Variants in NTRK1 observed in about 807,000 individuals in gnomAD.
The protein encoded by NTRK1 is neurotrophic receptor tyrosine kinase 1.
Under a neutral mutation model 86.8 loss-of-function variants are expected in NTRK1, and 62 were observed. That is an observed-to-expected ratio of 0.71 (90% CI 0.58 to 0.88). The LOEUF (loss-of-function observed/expected upper bound fraction) is 0.88, where lower values mean the gene tolerates loss of function less well. Ranked by LOEUF, NTRK1 falls within the 40% of genes least tolerant of loss-of-function variation. The pLI is 0.00. For missense variants in NTRK1, 967 were observed against 1,078.4 expected (o/e 0.90, Z 1.45); for synonymous variants, 469 against 456.6 (o/e 1.03, Z -0.35).
At chr1:156,853,587 C>T (rs936767278) in intron 2 of NTRK1, among the ~76,000 whole-genome samples, 4 of 152,182 alleles carry the variant, frequency 2.6e-5, no homozygotes, top group East Asian at 1.9e-4. Context: ...ACATTGGTTA[C>T]GTAACTTTTC....
chr1:156,864,718 C>T lies in NTRK1; in HGVS notation c.288-10C>T, dbSNP rs762967707. On this transcript the variant is annotated splice_polypyrimidine_tract_variant and intron_variant, in intron 2 of 16. Transcript: ENST00000524377. The stretch of plus-strand genomic sequence containing the variant: ...GACCTGGGGACTGATCCTCCTGCAC[C>T]CCTCCCCAGCACCATCGTGAAGAGT... 3.1e-6 allele frequency: 5 copies of T among 1,613,768 alleles called. No homozygotes were observed. The Admixed American group carries it at 8.3e-5, about 27-fold the overall frequency.
chr1:156,879,016 T>TCTCCAGGC, intron 14 of NTRK1, 106 bp from the exon 15 acceptor site: 2 of 1,322,286 alleles, frequency 1.5e-6, no homozygotes, highest in African/African-American at 2.9e-5. Context: ...CACTTCCAGG[T>TCTCCAGGC]CCCCAGTCTC....
At position 156,845,215 on chromosome 1, in the gene NTRK1, C is replaced by A. The variant is rs539000352; in HGVS notation, c.50+3022C>A. 1.9e-6 allele frequency: 3 copies of A among 1,609,732 alleles called. No individual in the cohort carries two copies. In the African/African-American group the frequency reaches 4.0e-5, roughly 21 times the overall value. On this transcript the variant is annotated intron_variant, in intron 2 of 16. Coordinates refer to the NTRK1 transcript ENST00000392302. ...TCAGCACCGCTCGCTCACGGGGCACCTTGTCCTCCTGGATCTCGAAATCCG... is the reference window on the plus strand; with the variant it reads ...TCAGCACCGCTCGCTCACGGGGCACATTGTCCTCCTGGATCTCGAAATCCG...
intron 5 of NTRK1, 84 bp downstream of exon 5, chr1:156,868,333 GA>G: frequency 6.4e-7 from 1 of 1,569,800 alleles, no homozygotes. Context: ...AGCAAGCACT[GA>G]AAAGGCCTGG....
At chr1:156,868,307 GAGGGAGAGGGCACTGAGCAAGCACTGAAA>G (rs1647297983) in intron 5 of NTRK1, 58 bp downstream of exon 5, 1 of 1,592,474 alleles carries the variant, frequency 6.3e-7, no homozygotes. Flanking sequence ...CTACCTGCCT[GAGGGAGAGGGCACTGAGCAAGCACTGAAA>G]AGGCCTGGGG....
At chr1:156,852,568 G>T (rs1252478119) in intron 2 of NTRK1, among the ~76,000 whole-genome samples, 1 of 152,240 alleles carries the variant, frequency 6.6e-6, no homozygotes, top group Non-Finnish European at 1.5e-5. Flanking sequence ...GAGCAGCTAG[G>T]CCCAGGGGCC....
At chr1:156,852,050 C>T in intron 2 of NTRK1, 2 of 1,613,574 alleles carry the variant, frequency 1.2e-6, no homozygotes, top group South Asian at 2.2e-5. Flanking sequence ...CGGGCAGGCC[C>T]ACAGGCAGGC....
chr1:156,846,814 A>AC (rs1655031997), intron 2 of NTRK1: 10 of 1,398,940 alleles, frequency 7.1e-6, no homozygotes, highest in Admixed American at 5.1e-5. Context: ...AAGTTCTGGC[A>AC]CCCCCGCTCT....
At position 156,852,069 on chromosome 1, in the gene NTRK1, A is replaced by G. The variant is rs768888122; in HGVS notation, c.50+9876A>G. 10 of 1,613,520 alleles carry G rather than the reference A, an allele frequency of 6.2e-6. No homozygotes were observed. The Admixed American group carries it at 8.3e-5, about 13-fold the overall frequency. ...CAGGCCCACAGGCAGGCACCCTGGAAGTAGAGGTGGCGGCAAGCTACACAG... is the reference window on the plus strand; with the variant it reads ...CAGGCCCACAGGCAGGCACCCTGGAGGTAGAGGTGGCGGCAAGCTACACAG... On this transcript the variant is annotated intron_variant, in intron 2 of 16. Coordinates refer to the NTRK1 transcript ENST00000392302.
At chr1:156,865,407 C>A (rs1250451162) in intron 3 of NTRK1, among the ~76,000 whole-genome samples, 1 of 152,188 alleles carries the variant, frequency 6.6e-6, no homozygotes, top group Non-Finnish European at 1.5e-5. Context: ...GAGCACACAA[C>A]CTAGATCCCT....
In NTRK1 at chr1:156,876,088, C is replaced by G. The variant is rs754084200; in HGVS notation, c.1510C>G (p.His504Asp). 1 of 1,614,196 alleles carries G rather than the reference C, an allele frequency of 6.2e-7. No individual in the cohort carries two copies. The change falls in exon 13 of 17, where the codon CAC (histidine) becomes GAC (aspartate). Residue 504 changes from histidine (H) to aspartate (D), a missense_variant. His to Asp is a moderately conservative substitution (Grantham distance 81, BLOSUM62 -1). Transcript: ENST00000524377. ...CCTGCAAGCCCCCTCAGGTGTTCACCACATCAAGCGCCGGGACATCGTGCT... is the reference window on the plus strand; with the variant it reads ...CCTGCAAGCCCCCTCAGGTGTTCACGACATCAAGCGCCGGGACATCGTGCT... ...PQYFSDACVH[H>D]IKRRDIVLKW...
intron 2 of NTRK1, chr1:156,842,358 C>A: frequency 6.2e-7 from 1 of 1,612,662 alleles, no homozygotes. Context: ...ACACTGTGCC[C>A]AACCCTTCTT....
At position 156,854,936 on chromosome 1, in the gene NTRK1, G is replaced by A. The variant is rs111273665; in HGVS notation, c.51-9418G>A. Among the ~76,000 whole-genome samples the A allele has an allele frequency of 0.031, 4,753 of 152,186 alleles. 237 individuals carry two copies. Among genetic ancestry groups the A allele is most frequent in the African/African-American group, 0.11 (4,462 of 41,490 alleles). On this transcript the variant is annotated intron_variant, in intron 2 of 16. Transcript: ENST00000392302. The surrounding 1 kb of genome is among the most constrained non-coding windows in gnomAD (Gnocchi z 4.2). ...GCCTACAGGGCCCTGCACAGTTTGA[G>A]CCCTTGTAGCCTCTCTGATTTCATC...
intron 2 of NTRK1, chr1:156,844,997 A>G: frequency 6.5e-7 from 1 of 1,530,378 alleles, no homozygotes; most frequent in South Asian, 1.2e-5. Flanking sequence ...GGGGTTAGCG[A>G]GAAGTCAAAC....
At position 156,861,033 on chromosome 1, in the gene NTRK1, C is replaced by T. The variant is rs554115998; in HGVS notation, c.99C>T (p.Ala33=). 2.3e-5 allele frequency: 36 copies of T among 1,546,644 alleles called. No individual in the cohort carries two copies. The highest frequency in any genetic ancestry group is 2.2e-4 in the African/African-American group (16 of 73,532). Residue 33 remains alanine (A), a synonymous_variant, in exon 1 of 17, where the codon GCC becomes GCT. Coordinates refer to ENST00000524377, the MANE Select transcript of NTRK1 (RefSeq NM_002529.4). ...LAWLILASAG[A]APCPDACCPH... is the part of the protein sequence containing the mutation. Reference sequence around the variant, plus strand: ...GGCTGATACTGGCATCTGCGGGCGCCGCACCCTGCCCCGATGCCTGCTGCC... The same window carrying T: ...GGCTGATACTGGCATCTGCGGGCGCTGCACCCTGCCCCGATGCCTGCTGCC...
At position 156,866,927 on chromosome 1, in the gene NTRK1, C is replaced by A. The variant is rs539589077; in HGVS notation, c.377C>A (p.Ala126Asp). 1.9e-6 allele frequency: 3 copies of A among 1,614,260 alleles called. No individual in the cohort carries two copies. The highest frequency in any genetic ancestry group is 1.6e-4 in the Middle Eastern group (1 of 6,062). Residue 126 changes from alanine to aspartate, a missense_variant, in exon 4 of 17, where the codon GCT (alanine) becomes GAT (aspartate). By Grantham distance (126) the Ala-to-Asp change is moderately radical (BLOSUM62 -2). Coordinates refer to ENST00000524377, the MANE Select transcript of NTRK1 (RefSeq NM_002529.4). ...RLSRLNLSFN[A>D]LESLSWKTVQ... ...GCCCGCAGGAATCTCTCCTTCAACG[C>A]TCTGGAGTCTCTCTCCTGGAAAACT...
intron 1 of NTRK1, among the ~76,000 whole-genome samples, chr1:156,838,679 C>T (rs545640353): frequency 6.6e-6 from 1 of 152,362 alleles, no homozygotes; most frequent in Admixed American, 6.5e-5. Flanking sequence ...TTCCTAGCAT[C>T]CCTACATTCT....
At chr1:156,841,400 A>G in intron 1 of NTRK1, 5 of 1,613,724 alleles carry the variant, frequency 3.1e-6, no homozygotes, top group Non-Finnish European at 3.4e-6. Flanking sequence ...TCACAGCTGA[A>G]GGGGACAGCC....
In NTRK1 at chr1:156,852,004, GAC is replaced by G. The variant is rs750495179; in HGVS notation, c.50+9815_50+9816del. ...GCAGGCTGGCACAGCGCTCAGCTGT[GAC>G]ACAGCGCCAGGACTCATACTGGTAG... On this transcript the variant is annotated intron_variant, in intron 2 of 16. Transcript: ENST00000392302. 1.1e-5 allele frequency: 18 copies of G among 1,612,858 alleles called. No individual in the cohort carries two copies. In the African/African-American group the frequency reaches 1.9e-4, roughly 17 times the overall value.
Sources: allele counts gnomAD v4.1 joint callset (sites outside exome capture counted in the v4.1 genomes callset), GRCh38; gene constraint gnomAD v4.1.1; non-coding constraint Gnocchi (gnomAD v3.1); transcripts MANE v1.5; gene names NCBI Gene and HGNC (gene_info 2026-07-23, HGNC 2026-07-21).